Variants in ZNF362 observed in about 807,000 individuals in gnomAD.
ZNF362 encodes the protein zinc finger protein 362, also known as rotund homolog.
In ZNF362, 11 loss-of-function variants were observed where a neutral mutation model predicts 42.9. That is an observed-to-expected ratio of 0.26 (90% CI 0.16 to 0.42). ZNF362 has a LOEUF of 0.42. Among genes scored for constraint, ZNF362 ranks in the 20% least tolerant of loss-of-function variants. ZNF362 has a pLI of 1.00. For synonymous variants in ZNF362, 255 were observed against 257.3 expected (o/e 0.99, Z 0.09); for missense variants, 362 against 576.2 (o/e 0.63, Z 3.81).
upstream of ZNF362, among the ~76,000 whole-genome samples, chr1:33,253,758 T>G (rs1645772151): frequency 6.6e-6 from 1 of 152,190 alleles, no homozygotes; most frequent in African/African-American, 2.4e-5. Context: ...TAACATAACT[T>G]TTTTGAGCGC....
the ZNF362 span, among the ~76,000 whole-genome samples, chr1:33,190,935 T>C: frequency 6.6e-6 from 1 of 152,194 alleles, no homozygotes; most frequent in African/African-American, 2.4e-5. Context: ...AGCAGCATCT[T>C]TCCTTAGCAG....
the ZNF362 span, among the ~76,000 whole-genome samples, chr1:33,193,004 C>CACACATATATATATATATATATAT: frequency 1.5e-5 from 2 of 137,290 alleles, no homozygotes; most frequent in East Asian, 4.5e-4. Context: ...CACACACACA[C>CACACATATATATATATATATATAT]ATATATATAT....
At chr1:33,256,258 C>G (rs1019505093), upstream of ZNF362, among the ~76,000 whole-genome samples, 1 of 142,784 alleles carries the variant, frequency 7.0e-6, no homozygotes, top group African/African-American at 2.5e-5. Context: ...CCCGCCCCCG[C>G]CCCCCGCCCG....
chr1:33,255,741 A>G (rs1645783448), upstream of ZNF362, among the ~76,000 whole-genome samples: 1 of 151,958 alleles, frequency 6.6e-6, no homozygotes, highest in Non-Finnish European at 1.5e-5. Flanking sequence ...GGCCTGTGCA[A>G]ACTTCTACTC....
At chr1:33,287,267 G>C (rs1022825913) in intron 6 of ZNF362, among the ~76,000 whole-genome samples, 5 of 152,170 alleles carry the variant, frequency 3.3e-5, no homozygotes, top group African/African-American at 9.7e-5. Flanking sequence ...TGGGAGTCAG[G>C]GCTTGAGACC....
At chr1:33,250,025 C>G in the ZNF362 span, among the ~76,000 whole-genome samples, 1 of 152,124 alleles carries the variant, frequency 6.6e-6, no homozygotes, top group Non-Finnish European at 1.5e-5. Flanking sequence ...ACAAAATGAG[C>G]AAAGGTAAAG....
chr1:33,173,680 T>C, the ZNF362 span, among the ~76,000 whole-genome samples: 2 of 390 alleles, frequency 5.1e-3, no homozygotes, highest in Non-Finnish European at 0.01. Flanking sequence ...GTTTCTTTCT[T>C]TTTTTTTTTT....
the ZNF362 span, chr1:33,143,345 A>C: frequency 1.3e-5 from 2 of 152,302 alleles, no homozygotes; most frequent in East Asian, 1.9e-4. Context: ...GGAATGCGCC[A>C]TGGAGGGGGT....
chr1:33,195,487 G>T, the ZNF362 span: 3 of 152,320 alleles, frequency 2.0e-5, no homozygotes, highest in African/African-American at 2.4e-5. Context: ...CATCATAGAG[G>T]ATACTTACAC....
the ZNF362 span, among the ~76,000 whole-genome samples, chr1:33,151,604 C>T: frequency 4.4e-4 from 67 of 152,290 alleles, 1 homozygote; most frequent in African/African-American, 1.4e-3. Flanking sequence ...GCAAAACAAG[C>T]GCAGTCCCTG....
At chr1:33,271,818 A>G (rs538682721) in intron 2 of ZNF362, among the ~76,000 whole-genome samples, 3 of 152,336 alleles carry the variant, frequency 2.0e-5, no homozygotes, top group Admixed American at 1.3e-4. Flanking sequence ...CTGCAGGAGC[A>G]TCTGGGCAGA....
At chr1:33,178,799 C>T in the ZNF362 span, among the ~76,000 whole-genome samples, 5 of 152,192 alleles carry the variant, frequency 3.3e-5, no homozygotes, top group Non-Finnish European at 5.9e-5. Flanking sequence ...TTACTTTTCA[C>T]CCAATAATGA....
chr1:33,189,718 TACATACACACATACAC>T, the ZNF362 span, among the ~76,000 whole-genome samples: 4 of 125,746 alleles, frequency 3.2e-5, no homozygotes, highest in South Asian at 2.6e-4. Context: ...CGTATATATA[TACATACACACATACAC>T]ATATATATAT....
chr1:33,131,217 C>G, the ZNF362 span, among the ~76,000 whole-genome samples: 2 of 152,220 alleles, frequency 1.3e-5, no homozygotes, highest in Non-Finnish European at 2.9e-5. Flanking sequence ...GTATGGTATA[C>G]CATTCTCCTC....
chr1:33,222,725 A>G, the ZNF362 span, among the ~76,000 whole-genome samples: 2 of 152,132 alleles, frequency 1.3e-5, no homozygotes, highest in African/African-American at 4.8e-5. Context: ...ACATCTTCAC[A>G]TGGCTGTTTC....
At chr1:33,185,224 C>CT in the ZNF362 span, among the ~76,000 whole-genome samples, 520 of 149,170 alleles carry the variant, frequency 3.5e-3, 5 homozygotes, top group African/African-American at 0.012. Context: ...GTCACAGACT[C>CT]TTTTTTTTTT....
the ZNF362 span, among the ~76,000 whole-genome samples, chr1:33,136,442 C>T: frequency 9.8e-4 from 149 of 151,846 alleles, no homozygotes; most frequent in African/African-American, 3.0e-3. Context: ...AATCTTGGCT[C>T]ACTGCAATCT....
chr1:33,297,513 C>CTT (rs55931056), intron 8 of ZNF362, among the ~76,000 whole-genome samples: 1 of 121,068 alleles, frequency 8.3e-6, no homozygotes, highest in South Asian at 2.4e-4. Context: ...CATGATTCCT[C>CTT]TTTTTTTTTT....
chr1:33,235,767 T>C, the ZNF362 span, among the ~76,000 whole-genome samples: 1 of 152,194 alleles, frequency 6.6e-6, no homozygotes, highest in African/African-American at 2.4e-5. Flanking sequence ...CTAACAGGAT[T>C]CTTGCTGAAG....
Sources: allele counts gnomAD v4.1 joint callset (sites outside exome capture counted in the v4.1 genomes callset), GRCh38; gene constraint gnomAD v4.1.1; transcripts MANE v1.5; gene names NCBI Gene and HGNC (gene_info 2026-07-23, HGNC 2026-07-21).